MRPS28: variants seen among roughly 807,000 people sequenced by gnomAD.
MRPS28 encodes small ribosomal subunit protein bS1m.
In MRPS28, 7 loss-of-function variants were observed where a neutral mutation model predicts 10.8. The ratio of observed to expected loss-of-function variants is 0.65; its 90% CI spans 0.37 to 1.22. The LOEUF is 1.22. Among genes scored for constraint, MRPS28 ranks in the 50% most tolerant of loss-of-function variants. MRPS28 has a pLI of 0.02. For missense variants in MRPS28, 265 were observed against 232.9 expected (o/e 1.14, Z -0.90); for synonymous variants, 121 against 93.3 (o/e 1.30, Z -1.71).
At chr8:79,930,643 G>C (rs1011213730) in intron 2 of MRPS28, among the ~76,000 whole-genome samples, 1 of 152,120 alleles carries the variant, frequency 6.6e-6, no homozygotes, top group African/African-American at 2.4e-5. Context: ...GTGTTACTTA[G>C]AATGTTCCAA....
At chr8:79,947,358 T>TA (rs1192978504) in intron 2 of MRPS28, among the ~76,000 whole-genome samples, 4 of 152,184 alleles carry the variant, frequency 2.6e-5, no homozygotes, top group African/African-American at 4.8e-5. Context: ...TGAAACCAGG[T>TA]AAAAAACAAT....
intron 2 of MRPS28, among the ~76,000 whole-genome samples, chr8:80,001,742 C>T (rs1808665016): frequency 6.6e-6 from 1 of 152,196 alleles, no homozygotes; most frequent in Non-Finnish European, 1.5e-5. Context: ...CCAGGGAGCA[C>T]AGTCTTTCAG....
intron 2 of MRPS28, among the ~76,000 whole-genome samples, chr8:79,991,278 T>G (rs909739344): frequency 1.3e-5 from 2 of 150,642 alleles, no homozygotes; most frequent in Non-Finnish European, 2.9e-5. Flanking sequence ...TTGCATGAGA[T>G]AGAAATAACT....
At chr8:79,990,214 T>C (rs60489859) in intron 2 of MRPS28, among the ~76,000 whole-genome samples, 2,183 of 152,212 alleles carry the variant, frequency 0.014, 55 homozygotes, top group African/African-American at 0.049. Context: ...ACAGAACTCC[T>C]GCCCTTTGAA....
intron 2 of MRPS28, among the ~76,000 whole-genome samples, chr8:79,964,540 T>G (rs1322381691): frequency 6.6e-6 from 1 of 152,126 alleles, no homozygotes; most frequent in Non-Finnish European, 1.5e-5. Context: ...ATATGTGTTT[T>G]GGAATTAGAC....
chr8:80,028,214 G>A (rs57094106), intron 1 of MRPS28, among the ~76,000 whole-genome samples: 5,227 of 152,232 alleles, frequency 0.034, 240 homozygotes, highest in African/African-American at 0.097. Context: ...GGGGGTTTCC[G>A]AAGGGGCTTA....
At chr8:79,934,990 T>C (rs1806567138) in intron 2 of MRPS28, among the ~76,000 whole-genome samples, 1 of 152,230 alleles carries the variant, frequency 6.6e-6, no homozygotes, top group South Asian at 2.1e-4. Flanking sequence ...GTAATTCTAA[T>C]GCCCAAGTAT....
intron 2 of MRPS28, among the ~76,000 whole-genome samples, chr8:79,967,128 A>T (rs1337616116): frequency 6.6e-6 from 1 of 152,180 alleles, no homozygotes; most frequent in African/African-American, 2.4e-5. Context: ...AACAGGCAAG[A>T]AAGAGAATGA....
intron 2 of MRPS28, among the ~76,000 whole-genome samples, chr8:79,978,388 G>C (rs777152652): frequency 1.3e-5 from 2 of 151,936 alleles, no homozygotes; most frequent in Non-Finnish European, 2.9e-5. Context: ...AAACAACTAG[G>C]AAGATAAGAA....
chr8:79,965,914 TA>T (rs1364352394), intron 2 of MRPS28, among the ~76,000 whole-genome samples: 1 of 152,042 alleles, frequency 6.6e-6, no homozygotes, highest in African/African-American at 2.4e-5. Flanking sequence ...TGTACTTCTT[TA>T]AAAGTTCATT....
intron 1 of MRPS28, among the ~76,000 whole-genome samples, chr8:80,008,877 A>G (rs1361360640): frequency 6.6e-6 from 1 of 152,226 alleles, no homozygotes; most frequent in Non-Finnish European, 1.5e-5. Flanking sequence ...CAATTCCTCA[A>G]GGATCTAGAA....
intron 1 of MRPS28, among the ~76,000 whole-genome samples, chr8:80,023,737 T>C (rs1479520083): frequency 6.6e-6 from 1 of 152,224 alleles, no homozygotes; most frequent in Non-Finnish European, 1.5e-5. Flanking sequence ...CACCCTCTAC[T>C]GCTAAGAGTC....
At chr8:79,988,657 A>G (rs532988343) in intron 2 of MRPS28, among the ~76,000 whole-genome samples, 74 of 152,320 alleles carry the variant, frequency 4.9e-4, no homozygotes, top group South Asian at 4.1e-3. Context: ...ATAGACACAT[A>G]AAAGTATTCT....
chr8:79,963,741 G>C (rs1319088057), intron 2 of MRPS28, among the ~76,000 whole-genome samples: 1 of 152,088 alleles, frequency 6.6e-6, no homozygotes, highest in Non-Finnish European at 1.5e-5. Flanking sequence ...TGTTTGTACA[G>C]TGTATACAGC....
chr8:79,951,059 A>G (rs532185104), intron 2 of MRPS28, among the ~76,000 whole-genome samples: 1 of 152,208 alleles, frequency 6.6e-6, no homozygotes, highest in Non-Finnish European at 1.5e-5. Flanking sequence ...CAGGGAAAGA[A>G]TAAATATGTG....
At chr8:79,991,682 T>C (rs779606185) in intron 2 of MRPS28, among the ~76,000 whole-genome samples, 2 of 152,234 alleles carry the variant, frequency 1.3e-5, no homozygotes, top group Admixed American at 1.3e-4. Context: ...TGTGTTTTTA[T>C]AGTTACTAAA....
intron 1 of MRPS28, among the ~76,000 whole-genome samples, chr8:80,006,752 C>G (rs1185029049): frequency 6.6e-6 from 1 of 152,312 alleles, no homozygotes; most frequent in African/African-American, 2.4e-5. Flanking sequence ...AGACCAATAA[C>G]AGGCTCTGAA....
rs538199217 is a variant in MRPS28 at position 80,023,725 on chromosome 8, GCCACC to G, written c.213+6306_213+6310del. ...TTTCCAATGTTCTGAAAAGTAGCAT[GCCACC>G]CTCTACTGCTAAGAGTCATAAAGCA... On this transcript the variant is annotated intron_variant, in intron 1 of 2. Transcript: ENST00000276585. 4.9e-4 allele frequency among the ~76,000 whole-genome samples: 75 copies of G among 152,272 alleles called. 1 individual carries two copies. The South Asian group carries it at 0.015, about 31-fold the overall frequency.
chr8:79,922,641 T>C (rs1810126224), intron 2 of MRPS28, among the ~76,000 whole-genome samples: 1 of 152,088 alleles, frequency 6.6e-6, no homozygotes, highest in African/African-American at 2.4e-5. Flanking sequence ...ATGCCAGCCA[T>C]AACATATGAT....
Sources: gnomAD v4.1 joint callset for allele counts (sites outside exome capture counted in the v4.1 genomes callset) on GRCh38, gnomAD v4.1.1 for gene constraint, MANE v1.5 for transcripts, NCBI Gene and HGNC (gene_info 2026-07-23, HGNC 2026-07-21) for gene names.